Variants in ZHX2 observed in about 807,000 individuals in gnomAD.
ZHX2 encodes the protein zinc fingers and homeoboxes 2.
A neutral mutation model predicts 21.9 loss-of-function variants in ZHX2; 6 were observed. The ratio of observed to expected loss-of-function variants is 0.27; its 90% confidence interval spans 0.15 to 0.54. The LOEUF is 0.54. Ranked by LOEUF, ZHX2 falls within the 20% of genes least tolerant of loss-of-function variation. The pLI is 0.95. For missense variants in ZHX2, 908 were observed against 1,090.7 expected (o/e 0.83, Z 2.36); for synonymous variants, 434 against 437.1 (o/e 0.99, Z 0.09).
chr8:122,915,708 G>A (rs997744171), intron 2 of ZHX2, among the ~76,000 whole-genome samples: 1 of 152,198 alleles, frequency 6.6e-6, no homozygotes, highest in Non-Finnish European at 1.5e-5. Context: ...AGCAGAAAAG[G>A]CTCCATGTTG....
At chr8:122,866,284 G>C (rs190405095) in intron 2 of ZHX2, among the ~76,000 whole-genome samples, 2 of 152,162 alleles carry the variant, frequency 1.3e-5, no homozygotes, top group African/African-American at 4.8e-5. Flanking sequence ...ACAGCGTGTC[G>C]CCAGATTCCC....
intron 2 of ZHX2, among the ~76,000 whole-genome samples, chr8:122,917,914 C>G (rs887073044): frequency 5.9e-5 from 9 of 152,170 alleles, no homozygotes; most frequent in African/African-American, 2.2e-4. Context: ...GTAAGGCCAT[C>G]AGGATTCTTC....
chr8:122,870,637 TCAAAAAAAA>T (rs1819408681), intron 2 of ZHX2, among the ~76,000 whole-genome samples: 1 of 34,692 alleles, frequency 2.9e-5, no homozygotes, highest in Admixed American at 4.8e-4. Flanking sequence ...AGTCTCTGTC[TCAAAAAAAA>T]AAAAAAAAAA....
At chr8:122,860,601 G>C (rs910260740) in intron 1 of ZHX2, among the ~76,000 whole-genome samples, 1 of 152,146 alleles carries the variant, frequency 6.6e-6, no homozygotes, top group Non-Finnish European at 1.5e-5. Context: ...AGTAACCATA[G>C]GGCTATATTT....
At chr8:122,808,206 A>G (rs1222586819) in intron 1 of ZHX2, among the ~76,000 whole-genome samples, 2 of 152,232 alleles carry the variant, frequency 1.3e-5, no homozygotes, top group Non-Finnish European at 2.9e-5. Flanking sequence ...ATATATATGT[A>G]TGCCTCAGGT....
rs7017419 is a variant in ZHX2, at chr8:122,956,095, T to C, written c.*4+2067T>C. ...CCTGACCTCAGATGATCCACCCACC[T>C]TGGCCTCCCAAAGTGCTGGGATTAC... On this transcript the variant is annotated intron_variant, in intron 3 of 3. Coordinates refer to ENST00000314393, the MANE Select transcript of ZHX2 (RefSeq NM_014943.5). Among the ~76,000 whole-genome samples, 750 of 152,274 alleles carry C rather than the reference T, an allele frequency of 4.9e-3. 5 individuals carry two copies. Among genetic ancestry groups the C allele is most frequent in the African/African-American group, 0.017 (717 of 41,554 alleles).
In ZHX2 at chr8:122,858,355, G is replaced by A. The variant is rs186338558; in HGVS notation, c.-282-5122G>A. On this transcript the variant is annotated intron_variant, in intron 1 of 3. Transcript: ENST00000314393. ...AACTTCGTAAGAGGGAGTGACCCTC[G>A]GGGAGGGCATTTCTCTTCTACAGGC... Among the ~76,000 whole-genome samples, 404 of 152,338 alleles carry A rather than the reference G, an allele frequency of 2.7e-3. 1 individual carries two copies. Among genetic ancestry groups the A allele is most frequent in the Non-Finnish European group, 3.8e-3 (258 of 68,026 alleles).
chr8:122,911,920 G>A (rs975505714), intron 2 of ZHX2, among the ~76,000 whole-genome samples: 3 of 152,104 alleles, frequency 2.0e-5, no homozygotes, highest in East Asian at 3.9e-4. Flanking sequence ...TTTTAGAGGC[G>A]GGGAATGGCT....
At chr8:122,945,694 G>T (rs1034171633) in intron 2 of ZHX2, among the ~76,000 whole-genome samples, 5 of 152,050 alleles carry the variant, frequency 3.3e-5, no homozygotes, top group African/African-American at 9.7e-5. Context: ...AGACAGAGAG[G>T]GGCAACACAG....
At chr8:122,950,098 T>A (rs573297699) in intron 2 of ZHX2, among the ~76,000 whole-genome samples, 1 of 152,212 alleles carries the variant, frequency 6.6e-6, no homozygotes, top group Admixed American at 6.5e-5. Context: ...AGGCCAAAAC[T>A]CTGCCATACA....
chr8:122,797,733 C>T (rs1193988393), intron 1 of ZHX2, among the ~76,000 whole-genome samples: 1 of 152,162 alleles, frequency 6.6e-6, no homozygotes, highest in Non-Finnish European at 1.5e-5. Context: ...AAAAAAATTT[C>T]TTTTGCAGCC....
intron 1 of ZHX2, among the ~76,000 whole-genome samples, chr8:122,790,966 C>T (rs72714389): frequency 4.6e-5 from 7 of 152,338 alleles, no homozygotes; most frequent in Non-Finnish European, 1.0e-4. Flanking sequence ...GTGGGGAAGT[C>T]CTTTATCCAA....
intron 2 of ZHX2, among the ~76,000 whole-genome samples, chr8:122,910,178 G>T (rs1820443985): frequency 6.6e-6 from 1 of 151,706 alleles, no homozygotes; most frequent in African/African-American, 2.4e-5. Context: ...GAGGGACCTA[G>T]TAATAATCAT....
intron 1 of ZHX2, among the ~76,000 whole-genome samples, chr8:122,841,690 A>G (rs11996224): frequency 0.42 from 64,182 of 151,954 alleles, 13,666 homozygotes; most frequent in Non-Finnish European, 0.44. Context: ...GGTTCTGGCT[A>G]GACATGGTGA....
chr8:122,920,613 A>G (rs1449434813), intron 2 of ZHX2, among the ~76,000 whole-genome samples: 1 of 152,182 alleles, frequency 6.6e-6, no homozygotes, highest in Non-Finnish European at 1.5e-5. Context: ...GGTGTGGTGT[A>G]GCTTCAGTTT....
chr8:122,871,996 G>A (rs983953190), intron 2 of ZHX2, among the ~76,000 whole-genome samples: 2 of 152,138 alleles, frequency 1.3e-5, no homozygotes, highest in African/African-American at 4.8e-5. Flanking sequence ...TTTTCAAAGC[G>A]TATCATCCTA....
At chr8:122,835,971 G>GT (rs200243675) in intron 1 of ZHX2, among the ~76,000 whole-genome samples, 1,558 of 151,508 alleles carry the variant, frequency 0.01, 34 homozygotes, top group African/African-American at 0.035. Flanking sequence ...GGTTTTTAGG[G>GT]TTTTTTTTTA....
At chr8:122,896,827 G>C (rs897202617) in intron 2 of ZHX2, among the ~76,000 whole-genome samples, 5 of 152,192 alleles carry the variant, frequency 3.3e-5, no homozygotes, top group Admixed American at 2.0e-4. Flanking sequence ...ACCCTTGCTT[G>C]GTTGTGCTTA....
At chr8:122,834,594 T>TA (rs1818455968) in intron 1 of ZHX2, among the ~76,000 whole-genome samples, 1 of 152,228 alleles carries the variant, frequency 6.6e-6, no homozygotes, top group African/African-American at 2.4e-5. Flanking sequence ...TCACGATTGT[T>TA]AAAGACTTTG....
Sources: gnomAD v4.1 joint callset for allele counts (sites outside exome capture counted in the v4.1 genomes callset) on GRCh38, gnomAD v4.1.1 for gene constraint, MANE v1.5 for transcripts, NCBI Gene and HGNC (gene_info 2026-07-23, HGNC 2026-07-21) for gene names.